Variants in ATP9B observed in about 807,000 individuals in gnomAD.
The protein encoded by ATP9B is probable phospholipid-transporting ATPase IIB.
In ATP9B, 110 loss-of-function variants were observed where a neutral mutation model predicts 146.1. The observed-to-expected ratio is 0.75, with a 90% CI of 0.65 to 0.88. The LOEUF (loss-of-function observed/expected upper bound fraction) is 0.88, where lower values mean the gene tolerates loss of function less well. Ranked by LOEUF, ATP9B falls within the 40% of genes least tolerant of loss-of-function variation. The pLI, the probability that ATP9B is intolerant of heterozygous loss-of-function variation, is 0.00. For missense variants in ATP9B, 1,499 were observed against 1,496.4 expected (o/e 1.00, Z -0.03); for synonymous variants, 604 against 569.7 (o/e 1.06, Z -0.86).
chr18:79,070,335 C>CT (rs1217652472), intron 1 of ATP9B, among the ~76,000 whole-genome samples: 2 of 152,104 alleles, frequency 1.3e-5, no homozygotes, highest in African/African-American at 4.8e-5. Context: ...ATTTGAGAGA[C>CT]TAACATATAG....
chr18:79,093,739 C>A (rs1021789957), intron 1 of ATP9B, among the ~76,000 whole-genome samples: 2 of 152,170 alleles, frequency 1.3e-5, no homozygotes, highest in Admixed American at 1.3e-4. Context: ...CCCCCTCCCC[C>A]ATCTGCTTAG....
At chr18:79,367,036 T>C (rs113822552) in intron 26 of ATP9B, among the ~76,000 whole-genome samples, 23 of 127,536 alleles carry the variant, frequency 1.8e-4, no homozygotes, top group East Asian at 5.2e-4. Context: ...GCAGAGAAAG[T>C]GCCTCCTCAA....
intron 17 of ATP9B, among the ~76,000 whole-genome samples, chr18:79,335,879 A>G (rs2096821900): frequency 6.6e-6 from 1 of 152,226 alleles, no homozygotes; most frequent in South Asian, 2.1e-4. Flanking sequence ...CCAAAAACAC[A>G]AAGTCTGTGG....
chr18:79,096,788 A>G (rs889765928), intron 2 of ATP9B, 139 bp downstream of exon 2: 2 of 739,938 alleles, frequency 2.7e-6, no homozygotes, highest in South Asian at 5.4e-5. Flanking sequence ...TTATCAGTAC[A>G]TTAATCAAAG....
intron 1 of ATP9B, among the ~76,000 whole-genome samples, chr18:79,079,433 C>A (rs924356455): frequency 6.6e-6 from 1 of 152,056 alleles, no homozygotes; most frequent in Non-Finnish European, 1.5e-5. Context: ...GTTTGTCGGC[C>A]GCATAAATGT....
chr18:79,077,536 G>A (rs528203628), intron 1 of ATP9B, among the ~76,000 whole-genome samples: 10 of 152,222 alleles, frequency 6.6e-5, no homozygotes, highest in Admixed American at 5.9e-4. Flanking sequence ...TATAGAGATG[G>A]GCAGGAATGC....
chr18:79,369,612 G>C (rs554071330), intron 26 of ATP9B, among the ~76,000 whole-genome samples: 3 of 151,258 alleles, frequency 2.0e-5, no homozygotes, highest in Non-Finnish European at 4.4e-5. Flanking sequence ...AGAGATAAAA[G>C]TGGTTACAGA....
chr18:79,246,438 C>T lies in ATP9B; in HGVS notation c.1108-6943C>T, dbSNP rs1482582213. ...GACTGTGCACAGCATTTCCGAGGTC[C>T]TGTCTTGAAATTAGGGCATCTTACG... is the stretch of plus-strand genomic sequence containing the variant. On this transcript the variant is annotated intron_variant, in intron 11 of 29. Transcript: ENST00000426216. Among the ~76,000 whole-genome samples, 3 of 152,244 alleles carry T rather than the reference C, an allele frequency of 2.0e-5. No homozygotes were observed. The East Asian group carries it at 5.8e-4, about 29-fold the overall frequency.
intron 5 of ATP9B, among the ~76,000 whole-genome samples, chr18:79,133,999 A>G (rs2094416542): frequency 6.6e-6 from 1 of 152,208 alleles, no homozygotes; most frequent in African/African-American, 2.4e-5. Flanking sequence ...TCTCCTTTCA[A>G]AGTAAAAAGT....
At chr18:79,151,844 G>A (rs1419138076) in intron 6 of ATP9B, among the ~76,000 whole-genome samples, 1 of 152,012 alleles carries the variant, frequency 6.6e-6, no homozygotes, top group African/African-American at 2.4e-5. Context: ...TCTACATTAG[G>A]TATTTCTTCT....
intron 15 of ATP9B, among the ~76,000 whole-genome samples, chr18:79,325,645 G>A (rs1055763038): frequency 6.6e-6 from 1 of 152,242 alleles, no homozygotes; most frequent in Middle Eastern, 3.4e-3. Flanking sequence ...CCTCTCAAAA[G>A]CATGCCTGTG....
At chr18:79,153,061 T>C (rs1246143729) in intron 6 of ATP9B, among the ~76,000 whole-genome samples, 1 of 152,200 alleles carries the variant, frequency 6.6e-6, no homozygotes. Flanking sequence ...AATATTAGTT[T>C]TTTTCCCCTA....
At position 79,347,897 on chromosome 18, in the gene ATP9B, A is replaced by G. The variant is rs1480921772; in HGVS notation, c.2810A>G (p.His937Arg). The G allele has an allele frequency of 6.2e-7, 1 of 1,613,608 alleles. No individual in the cohort carries two copies. ...RSAALGQFVM[H>R]RGLIISTMQA... ...GCGGCACTCGGCCAGTTCGTCATGC[A>G]CAGGGGCCTTATCATCTCCACCATG... Residue 937 changes from histidine to arginine, a missense_variant, in exon 24 of 30, where the codon CAC becomes CGC. By Grantham distance (29) the His-to-Arg change is conservative. Coordinates refer to ENST00000426216, the MANE Select transcript of ATP9B (RefSeq NM_198531.5).
At chr18:79,312,108 C>T (rs1018844037) in intron 15 of ATP9B, among the ~76,000 whole-genome samples, 3 of 152,122 alleles carry the variant, frequency 2.0e-5, no homozygotes, top group Non-Finnish European at 2.9e-5. Context: ...GCGCCTTCGC[C>T]GAGGTGCCTT....
chr18:79,092,242 A>T (rs1001390064), intron 1 of ATP9B, among the ~76,000 whole-genome samples: 1 of 152,184 alleles, frequency 6.6e-6, no homozygotes, highest in Non-Finnish European at 1.5e-5. Context: ...AGTGTACTCA[A>T]ACAGACCAAG....
chr18:79,369,143 G>A (rs1336662161), intron 26 of ATP9B, among the ~76,000 whole-genome samples: 1 of 152,174 alleles, frequency 6.6e-6, no homozygotes, highest in Non-Finnish European at 1.5e-5. Context: ...TGTTGTTCTA[G>A]TAAGAATCAG....
intron 13 of ATP9B, among the ~76,000 whole-genome samples, chr18:79,296,787 A>G (rs1179351302): frequency 6.6e-6 from 1 of 152,236 alleles, no homozygotes; most frequent in Non-Finnish European, 1.5e-5. Flanking sequence ...GGTTCTGGGG[A>G]TAGAGTTGGG....
intron 11 of ATP9B, among the ~76,000 whole-genome samples, chr18:79,218,595 G>A (rs925477798): frequency 2.0e-5 from 3 of 149,718 alleles, no homozygotes; most frequent in East Asian, 4.0e-4. Flanking sequence ...CTCGTGTTCC[G>A]GGTCCGGCAC....
chr18:79,230,846 C>G (rs2095784387), intron 11 of ATP9B, among the ~76,000 whole-genome samples: 1 of 151,992 alleles, frequency 6.6e-6, no homozygotes, highest in African/African-American at 2.4e-5. Context: ...AATAGAGAAC[C>G]CAGAAATAAA....
Sources: gnomAD v4.1 joint callset for allele counts (sites outside exome capture counted in the v4.1 genomes callset) on GRCh38, gnomAD v4.1.1 for gene constraint, MANE v1.5 for transcripts, NCBI Gene and HGNC (gene_info 2026-07-23, HGNC 2026-07-21) for gene names.